Variants in KLHL1 observed in about 807,000 individuals in gnomAD.
KLHL1 encodes the protein kelch like family member 1.
In KLHL1, 47 loss-of-function variants were observed where a neutral mutation model predicts 77.7. That is an observed-to-expected ratio of 0.60 (90% CI 0.48 to 0.77). The LOEUF is 0.77. Ranked by LOEUF, KLHL1 falls within the 30% of genes least tolerant of loss-of-function variation. The pLI is 0.00. For synonymous variants in KLHL1, 360 were observed against 325.2 expected (o/e 1.11, Z -1.15); for missense variants, 925 against 910.8 (o/e 1.02, Z -0.20).
intron 6 of KLHL1, among the ~76,000 whole-genome samples, chr13:69,826,221 C>T (rs114550239): frequency 0.014 from 2,201 of 152,046 alleles, 51 homozygotes; most frequent in African/African-American, 0.049. Flanking sequence ...AAATTTTAGT[C>T]AGGAAAAAGG....
intron 7 of KLHL1, among the ~76,000 whole-genome samples, chr13:69,772,201 A>G (rs570356199): frequency 6.6e-6 from 1 of 152,084 alleles, no homozygotes; most frequent in Non-Finnish European, 1.5e-5. Context: ...TATTCAAATA[A>G]ACATTTTATA....
At chr13:69,758,612 T>G (rs2137961249) in intron 7 of KLHL1, among the ~76,000 whole-genome samples, 1 of 152,258 alleles carries the variant, frequency 6.6e-6, no homozygotes, top group African/African-American at 2.4e-5. Flanking sequence ...ATATATTAAG[T>G]ATAATTTTCA....
intron 7 of KLHL1, among the ~76,000 whole-genome samples, chr13:69,771,970 G>C (rs1486693160): frequency 6.6e-6 from 1 of 151,812 alleles, no homozygotes; most frequent in Non-Finnish European, 1.5e-5. Flanking sequence ...TGTTATTTTT[G>C]AGATGGAGTC....
At position 69,716,313 on chromosome 13, in the gene KLHL1, T is replaced by C. The variant is rs1027039561; in HGVS notation, c.2015+3056A>G. Among the ~76,000 whole-genome samples the C allele has an allele frequency of 3.9e-5, 6 of 152,108 alleles. No homozygotes were observed. In the East Asian group the frequency reaches 1.2e-3, roughly 29 times the overall value. ...ATTCAATACATTCTTGTTATGTGCC[T>C]ATTCTGTGCCAGAAATTGTACCAAG... On this transcript the variant is annotated intron_variant, in intron 9 of 10. Coordinates refer to ENST00000377844, the MANE Select transcript of KLHL1 (RefSeq NM_020866.3).
At chr13:69,768,516 G>A (rs1325673764) in intron 7 of KLHL1, among the ~76,000 whole-genome samples, 1 of 152,030 alleles carries the variant, frequency 6.6e-6, no homozygotes, top group Non-Finnish European at 1.5e-5. Context: ...TTCAAATGAT[G>A]TATGTAATGT....
intron 1 of KLHL1, among the ~76,000 whole-genome samples, chr13:70,081,283 G>A (rs1471955763): frequency 5.3e-5 from 8 of 152,132 alleles, no homozygotes; most frequent in South Asian, 4.1e-4. Context: ...ACTTAAAACC[G>A]TACACATATT....
chr13:69,851,184 CA>C (rs1308697772), intron 5 of KLHL1, among the ~76,000 whole-genome samples: 1 of 133,694 alleles, frequency 7.5e-6, no homozygotes, highest in Non-Finnish European at 1.6e-5. Context: ...GCTTGAAATT[CA>C]AAGAGTATAT....
chr13:69,905,018 A>C (rs1385338648), intron 4 of KLHL1, among the ~76,000 whole-genome samples: 3 of 152,172 alleles, frequency 2.0e-5, no homozygotes, highest in Non-Finnish European at 4.4e-5. Context: ...TTAAGAGAGC[A>C]TTGAAAACTG....
chr13:70,010,434 A>C (rs1282243135), intron 1 of KLHL1, among the ~76,000 whole-genome samples: 1 of 152,202 alleles, frequency 6.6e-6, no homozygotes, highest in Non-Finnish European at 1.5e-5. Context: ...GGTTGTTCTA[A>C]ATATAGAATA....
At chr13:70,095,126 G>T (rs575793813) in intron 1 of KLHL1, among the ~76,000 whole-genome samples, 5 of 152,146 alleles carry the variant, frequency 3.3e-5, no homozygotes, top group African/African-American at 1.2e-4. Context: ...ACTGGGTATT[G>T]CTTCAGTCAT....
At chr13:69,842,116 C>A (rs1879285722) in intron 5 of KLHL1, among the ~76,000 whole-genome samples, 1 of 151,748 alleles carries the variant, frequency 6.6e-6, no homozygotes, top group African/African-American at 2.4e-5. Flanking sequence ...AGAGAAAGTT[C>A]TCATAAAGAG....
intron 1 of KLHL1, among the ~76,000 whole-genome samples, chr13:70,051,515 A>G (rs772465892): frequency 1.3e-5 from 2 of 152,064 alleles, no homozygotes; most frequent in Admixed American, 6.5e-5. Flanking sequence ...AAGTGCGTGG[A>G]TATTTCCTAT....
chr13:70,005,780 C>T (rs1309134731), intron 1 of KLHL1, among the ~76,000 whole-genome samples: 4 of 151,710 alleles, frequency 2.6e-5, no homozygotes, highest in Non-Finnish European at 5.9e-5. Flanking sequence ...TTATTTGTAC[C>T]AAAATATACT....
intron 7 of KLHL1, among the ~76,000 whole-genome samples, chr13:69,744,669 A>G (rs1031493200): frequency 1.3e-5 from 2 of 151,588 alleles, no homozygotes; most frequent in South Asian, 4.2e-4. Context: ...CCCCCCCCAA[A>G]AGCTAACCGT....
intron 1 of KLHL1, among the ~76,000 whole-genome samples, chr13:70,094,750 C>A (rs997004839): frequency 1.2e-4 from 18 of 152,122 alleles, no homozygotes; most frequent in African/African-American, 4.1e-4. Context: ...CTAAGACATT[C>A]TATTGATACC....
intron 7 of KLHL1, among the ~76,000 whole-genome samples, chr13:69,793,108 A>G (rs901853275): frequency 1.3e-5 from 2 of 152,078 alleles, no homozygotes; most frequent in Admixed American, 1.3e-4. Flanking sequence ...GATGTTGCAT[A>G]GCACATAAAA....
chr13:69,850,785 C>G (rs1334126785), intron 5 of KLHL1, among the ~76,000 whole-genome samples: 2 of 151,646 alleles, frequency 1.3e-5, no homozygotes, highest in African/African-American at 4.8e-5. Flanking sequence ...TAACTTAAAG[C>G]ACCTTGTTTA....
intron 6 of KLHL1, among the ~76,000 whole-genome samples, chr13:69,806,658 G>A (rs1877631714): frequency 6.6e-6 from 1 of 152,170 alleles, no homozygotes; most frequent in African/African-American, 2.4e-5. Flanking sequence ...GGCCATGGGA[G>A]AAACCCTTGA....
Position 70,024,628 on chromosome 13 carries a change from C to CTCTCTCTCTTTCTCTCTTTCTCTCTT in KLHL1, c.498-48827_498-48826insAAGAGAGAAAGAGAGAAAGAGAGAGA, listed in dbSNP as rs1450119339. ...GGGTGAGGAGAAAAGATTTCTCTCT[C>CTCTCTCTCTTTCTCTCTTTCTCTCTT]TCTCTCTCTCTCTCTCTCTCTCTCT... On this transcript the variant is annotated intron_variant, in intron 1 of 10. Transcript: ENST00000377844. 1.3e-4 allele frequency among the ~76,000 whole-genome samples: 9 copies of CTCTCTCTCTTTCTCTCTTTCTCTCTT among 70,050 alleles called. 1 individual carries two copies. In the East Asian group the frequency reaches 2.6e-3, roughly 20 times the overall value. 46.0% of individuals were successfully genotyped at this position (70,050 alleles called of 152,430 possible).
Sources: gnomAD v4.1 joint callset for allele counts (sites outside exome capture counted in the v4.1 genomes callset) on GRCh38, gnomAD v4.1.1 for gene constraint, MANE v1.5 for transcripts, NCBI Gene and HGNC (gene_info 2026-07-23, HGNC 2026-07-21) for gene names.